CNTNAP2: variants seen among roughly 807,000 people sequenced by gnomAD.
CNTNAP2 encodes the protein contactin-associated protein-like 2.
Under a neutral mutation model 155.2 loss-of-function variants are expected in CNTNAP2, and 98 were observed. That is an observed-to-expected ratio of 0.63 (90% confidence interval 0.54 to 0.75). The LOEUF (loss-of-function observed/expected upper bound fraction) is 0.75. Ranked by LOEUF, CNTNAP2 falls within the 30% of genes least tolerant of loss-of-function variation. The pLI, the probability that CNTNAP2 is intolerant of heterozygous loss-of-function variation, is 0.00. For missense variants in CNTNAP2, 1,727 were observed against 1,688.1 expected, an observed-to-expected ratio of 1.02 and a Z score of -0.40; for synonymous variants, 651 against 631.2, an observed-to-expected ratio of 1.03 and a Z score of -0.47.
chr7:146,176,473 G>C (rs80328883), intron 1 of CNTNAP2, among the ~76,000 whole-genome samples: 2,265 of 152,268 alleles, frequency 0.015, 32 homozygotes, highest in East Asian at 0.032. Context: ...AATAAAAATT[G>C]ACAGAGAATT....
intron 18 of CNTNAP2, among the ~76,000 whole-genome samples, chr7:148,204,114 C>T (rs1182143476): frequency 6.6e-6 from 1 of 152,182 alleles, no homozygotes; most frequent in African/African-American, 2.4e-5. Context: ...AAGGAAGCAA[C>T]TCTAGAGAAT....
chr7:147,251,583 C>T (rs941773635), intron 8 of CNTNAP2, among the ~76,000 whole-genome samples: 4 of 152,094 alleles, frequency 2.6e-5, no homozygotes, highest in African/African-American at 9.7e-5. Flanking sequence ...TCAGGTAGCT[C>T]ATGGCTTTGA....
chr7:146,255,398 G>T (rs573318512), intron 1 of CNTNAP2, among the ~76,000 whole-genome samples: 2 of 152,176 alleles, frequency 1.3e-5, no homozygotes, highest in Admixed American at 6.5e-5. Flanking sequence ...AGAATTTTCC[G>T]TCAGTACCTC....
intron 13 of CNTNAP2, among the ~76,000 whole-genome samples, chr7:147,726,216 A>G (rs1796639305): frequency 1.3e-5 from 2 of 152,034 alleles, no homozygotes; most frequent in African/African-American, 4.8e-5. Context: ...AAAGTATTAT[A>G]TACTTAAAAA....
chr7:148,094,667 G>C (rs938090917), intron 15 of CNTNAP2, among the ~76,000 whole-genome samples: 6 of 152,166 alleles, frequency 3.9e-5, no homozygotes, highest in Admixed American at 2.6e-4. Flanking sequence ...GAGATTTCTG[G>C]CTTAGAAGAG....
At chr7:146,988,136 T>C (rs919233205) in intron 3 of CNTNAP2, among the ~76,000 whole-genome samples, 3 of 152,106 alleles carry the variant, frequency 2.0e-5, no homozygotes, top group African/African-American at 7.2e-5. Context: ...GAGTTTACTT[T>C]CTAATGCACA....
chr7:146,467,900 T>C (rs76559994), intron 1 of CNTNAP2, among the ~76,000 whole-genome samples: 3,253 of 152,272 alleles, frequency 0.021, 77 homozygotes, highest in African/African-American at 0.053. Context: ...AATGTAATAG[T>C]AGTTGATTAA....
chr7:146,660,785 G>A (rs546498270), intron 1 of CNTNAP2, among the ~76,000 whole-genome samples: 1 of 152,194 alleles, frequency 6.6e-6, no homozygotes, highest in South Asian at 2.1e-4. Context: ...ATCTTTTACT[G>A]AAAGTCTTTC....
intron 3 of CNTNAP2, among the ~76,000 whole-genome samples, chr7:146,989,084 G>A (rs1474219642): frequency 6.6e-6 from 1 of 151,968 alleles, no homozygotes; most frequent in Non-Finnish European, 1.5e-5. Context: ...CCTAATCTTG[G>A]CAACTCAGCA....
At chr7:146,761,874 A>G (rs1277947115) in intron 1 of CNTNAP2, among the ~76,000 whole-genome samples, 1 of 152,132 alleles carries the variant, frequency 6.6e-6, no homozygotes, top group East Asian at 1.9e-4. Context: ...CATGAGGAGA[A>G]ATGAATTCAG....
intron 4 of CNTNAP2, among the ~76,000 whole-genome samples, chr7:147,048,482 A>G (rs1438190829): frequency 6.6e-6 from 1 of 152,202 alleles, no homozygotes; most frequent in Admixed American, 6.5e-5. Context: ...ATTTTAAGCC[A>G]CTAAGTTTGG....
chr7:146,329,546 C>A (rs1424148534), intron 1 of CNTNAP2, among the ~76,000 whole-genome samples: 2 of 152,148 alleles, frequency 1.3e-5, no homozygotes, highest in Admixed American at 6.6e-5. Context: ...TAAATACTTG[C>A]TGGCTTTAAT....
chr7:146,327,099 T>C (rs931019901), intron 1 of CNTNAP2, among the ~76,000 whole-genome samples: 2 of 152,062 alleles, frequency 1.3e-5, no homozygotes, highest in African/African-American at 4.8e-5. Context: ...CTCACTGGGA[T>C]GGAGGGATCA....
chr7:147,200,960 C>A (rs1029926509), intron 8 of CNTNAP2, among the ~76,000 whole-genome samples: 2 of 152,124 alleles, frequency 1.3e-5, no homozygotes, highest in Admixed American at 1.3e-4. Flanking sequence ...AACTGAGGGT[C>A]ATGTTAGTGT....
intron 10 of CNTNAP2, among the ~76,000 whole-genome samples, chr7:147,479,142 C>T (rs1563220563): frequency 6.6e-6 from 1 of 152,222 alleles, no homozygotes; most frequent in Non-Finnish European, 1.5e-5. Context: ...CATGCAGGCC[C>T]TTGTCTTCCC....
intron 1 of CNTNAP2, among the ~76,000 whole-genome samples, chr7:146,659,894 T>C (rs1324512925): frequency 6.6e-6 from 1 of 152,180 alleles, no homozygotes; most frequent in East Asian, 1.9e-4. Flanking sequence ...CACACAGATG[T>C]TGGCACAGTG....
At chr7:146,321,925 C>A (rs1478844618) in intron 1 of CNTNAP2, among the ~76,000 whole-genome samples, 1 of 151,918 alleles carries the variant, frequency 6.6e-6, no homozygotes, top group Admixed American at 6.6e-5. Context: ...ATCTGAAATT[C>A]TTTCCTTTGT....
At chr7:147,491,519 T>A (rs914254349) in intron 11 of CNTNAP2, among the ~76,000 whole-genome samples, 2 of 152,240 alleles carry the variant, frequency 1.3e-5, no homozygotes, top group African/African-American at 4.8e-5. Context: ...TTATTCATAA[T>A]GATTTAATAA....
chr7:146,461,962 C>T (rs1241611499), intron 1 of CNTNAP2, among the ~76,000 whole-genome samples: 2 of 152,158 alleles, frequency 1.3e-5, no homozygotes, highest in African/African-American at 4.8e-5. Flanking sequence ...TTCTCTCATG[C>T]TCCATGGTTA....
Sources: gnomAD v4.1 joint callset for allele counts (sites outside exome capture counted in the v4.1 genomes callset) on GRCh38, gnomAD v4.1.1 for gene constraint, MANE v1.5 for transcripts, NCBI Gene and HGNC (gene_info 2026-07-23, HGNC 2026-07-21) for gene names.